The following MARCHF11 variants were observed in gnomAD, a reference collection of about 807,000 sequenced individuals.
The protein encoded by MARCHF11 is membrane associated ring-CH-type finger 11, also known as E3 ubiquitin-protein ligase MARCHF11.
Under a neutral mutation model 37.3 loss-of-function variants are expected in MARCHF11, and 29 were observed. That is an observed-to-expected ratio of 0.78 (90% CI 0.58 to 1.06). The LOEUF is 1.06. Among genes scored for constraint, MARCHF11 ranks in the 50% least tolerant of loss-of-function variants. MARCHF11 has a pLI of 0.00. For synonymous variants in MARCHF11, 233 were observed against 228.0 expected, an observed-to-expected ratio of 1.02 and a Z score of -0.20; for missense variants, 482 against 533.4, an observed-to-expected ratio of 0.90 and a Z score of 0.95.
At chr5:16,147,637 A>G (rs1258589156) in intron 2 of MARCHF11, among the ~76,000 whole-genome samples, 1 of 152,124 alleles carries the variant, frequency 6.6e-6, no homozygotes, top group Non-Finnish European at 1.5e-5. Context: ...TGCGATAGAA[A>G]TATCAAATTG....
At chr5:16,085,347 C>T (rs779791996) in intron 3 of MARCHF11, among the ~76,000 whole-genome samples, 27 of 152,070 alleles carry the variant, frequency 1.8e-4, no homozygotes, top group Middle Eastern at 3.4e-3. Flanking sequence ...CGCATCCCTG[C>T]GATCCCAAAA....
chr5:16,126,198 A>G (rs768694499), intron 2 of MARCHF11, among the ~76,000 whole-genome samples: 2 of 152,200 alleles, frequency 1.3e-5, no homozygotes, highest in Non-Finnish European at 2.9e-5. Flanking sequence ...CATAAACTAC[A>G]AATGGTTTTA....
chr5:16,105,019 C>T (rs1016092360), intron 2 of MARCHF11, among the ~76,000 whole-genome samples: 3 of 152,220 alleles, frequency 2.0e-5, no homozygotes, highest in Admixed American at 2.0e-4. Flanking sequence ...TAACAGAGCG[C>T]TAACTGATAA....
chr5:16,103,019 A>G (rs1401010787), intron 2 of MARCHF11, among the ~76,000 whole-genome samples: 3 of 151,030 alleles, frequency 2.0e-5, no homozygotes, highest in Admixed American at 2.0e-4. Context: ...AGCATCTAAT[A>G]TGTATAAATG....
chr5:16,170,896 C>T (rs1738252252), intron 2 of MARCHF11, among the ~76,000 whole-genome samples: 1 of 151,846 alleles, frequency 6.6e-6, no homozygotes. Flanking sequence ...TAAGACCATT[C>T]TTTGAAATGT....
At chr5:16,140,104 C>T (rs1427465846) in intron 2 of MARCHF11, among the ~76,000 whole-genome samples, 2 of 152,042 alleles carry the variant, frequency 1.3e-5, no homozygotes, top group African/African-American at 4.8e-5. Context: ...ACAGTATTTG[C>T]AGAAAACAGT....
chr5:16,137,772 A>T (rs1051934111), intron 2 of MARCHF11, among the ~76,000 whole-genome samples: 3 of 152,192 alleles, frequency 2.0e-5, no homozygotes, highest in African/African-American at 7.2e-5. Flanking sequence ...AGGAACAGTG[A>T]TTCTTGCTAA....
intron 3 of MARCHF11, among the ~76,000 whole-genome samples, chr5:16,080,692 C>T (rs775414061): frequency 4.1e-4 from 62 of 152,290 alleles, no homozygotes; most frequent in East Asian, 7.7e-4. Context: ...TCCATCCTGC[C>T]TCCATCCAGC....
chr5:16,086,206 A>C (rs1025627412), intron 3 of MARCHF11, among the ~76,000 whole-genome samples: 2 of 152,158 alleles, frequency 1.3e-5, no homozygotes, highest in African/African-American at 4.8e-5. Flanking sequence ...CACCATGTAC[A>C]GTATGATCTC....
At chr5:16,170,614 C>T (rs73044702) in intron 2 of MARCHF11, among the ~76,000 whole-genome samples, 375 of 152,244 alleles carry the variant, frequency 2.5e-3, no homozygotes, top group African/African-American at 6.7e-3. Flanking sequence ...CTCCATGGTT[C>T]TTGCCACCTT....
At chr5:16,125,171 C>G (rs1737381206) in intron 2 of MARCHF11, among the ~76,000 whole-genome samples, 1 of 151,274 alleles carries the variant, frequency 6.6e-6, no homozygotes, top group South Asian at 2.1e-4. Flanking sequence ...AATAGCCCCC[C>G]GATAACTGTG....
chr5:16,067,346 T>A lies in MARCHF11; in HGVS notation c.*125A>T. 3.5e-6 allele frequency: 3 copies of A among 846,742 alleles called. No individual in the cohort carries two copies. Among genetic ancestry groups the A allele is most frequent in the Non-Finnish European group, 5.5e-6 (3 of 548,256 alleles). The allele number at this position is 846,742 out of a possible 1,614,324, so 52.5% of individuals were successfully genotyped here. ...AATGTATTTGCAATTCAAATGTTCATATAAAAAGCATAAATTTTAAAAAGT... is the reference window on the plus strand; with the variant it reads ...AATGTATTTGCAATTCAAATGTTCAAATAAAAAGCATAAATTTTAAAAAGT... On this transcript the variant is annotated 3_prime_UTR_variant, in exon 4 of 4. Transcript: ENST00000332432.
At chr5:16,164,317 T>C (rs1050450179) in intron 2 of MARCHF11, among the ~76,000 whole-genome samples, 3 of 152,064 alleles carry the variant, frequency 2.0e-5, no homozygotes, top group Admixed American at 2.0e-4. Flanking sequence ...GTAATAGTTG[T>C]AAACTTCAAT....
intron 2 of MARCHF11, among the ~76,000 whole-genome samples, chr5:16,156,254 T>C (rs975557514): frequency 6.6e-6 from 1 of 151,942 alleles, no homozygotes; most frequent in African/African-American, 2.4e-5. Flanking sequence ...TGTTAGACTC[T>C]GATGTGATAC....
chr5:16,113,383 G>A (rs377144584), intron 2 of MARCHF11, among the ~76,000 whole-genome samples: 109 of 152,202 alleles, frequency 7.2e-4, no homozygotes, highest in South Asian at 3.9e-3. Flanking sequence ...GTGATCACAC[G>A]AAAAGTATGA....
At chr5:16,162,011 T>C (rs1467276360) in intron 2 of MARCHF11, among the ~76,000 whole-genome samples, 2 of 152,022 alleles carry the variant, frequency 1.3e-5, no homozygotes, top group Non-Finnish European at 2.9e-5. Context: ...ACTGTATTTA[T>C]AAAAATCGAT....
At chr5:16,116,223 T>C (rs1464986949) in intron 2 of MARCHF11, among the ~76,000 whole-genome samples, 1 of 152,182 alleles carries the variant, frequency 6.6e-6, no homozygotes, top group Non-Finnish European at 1.5e-5. Flanking sequence ...ACACAAGGCT[T>C]TCCGTCTGTC....
chr5:16,178,988 G>A (rs1560997659), intron 1 of MARCHF11, 51 bp downstream of exon 1: 8 of 1,366,350 alleles, frequency 5.9e-6, no homozygotes, highest in Non-Finnish European at 7.5e-6. Flanking sequence ...AAGCTTGACC[G>A]GCGCGAGCTG....
intron 2 of MARCHF11, among the ~76,000 whole-genome samples, chr5:16,134,193 G>A (rs1369769329): frequency 6.6e-6 from 1 of 152,164 alleles, no homozygotes; most frequent in African/African-American, 2.4e-5. Flanking sequence ...AAATGACACA[G>A]GCGCTCTCAT....
Sources: gnomAD v4.1 joint callset for allele counts (sites outside exome capture counted in the v4.1 genomes callset) on GRCh38, gnomAD v4.1.1 for gene constraint, MANE v1.5 for transcripts, NCBI Gene and HGNC (gene_info 2026-07-23, HGNC 2026-07-21) for gene names.